The following RFX3 variants were observed in gnomAD, a reference collection of about 807,000 sequenced individuals.
The protein encoded by RFX3 is transcription factor RFX3.
Under a neutral mutation model 98.6 loss-of-function variants are expected in RFX3, and 14 were observed. That is an observed-to-expected ratio of 0.14 (90% confidence interval 0.09 to 0.22). The LOEUF is 0.22. Among genes scored for constraint, RFX3 ranks in the 10% least tolerant of loss-of-function variants. The pLI, the probability that RFX3 is intolerant of heterozygous loss-of-function variation, is 1.00. For missense variants in RFX3, 639 were observed against 926.9 expected, an observed-to-expected ratio of 0.69 and a Z score of 4.03; for synonymous variants, 383 against 328.4, an observed-to-expected ratio of 1.17 and a Z score of -1.80.
At position 3,228,813 on chromosome 9, in the gene RFX3, A is replaced by T. The variant is rs371917020; in HGVS notation, c.2011+34T>A. The T allele has an allele frequency of 3.2e-6, 5 of 1,568,530 alleles. No individual in the cohort carries two copies. The African/African-American group carries it at 5.5e-5, about 17-fold the overall frequency. ...CTGTAAGAACTTATTAATAAATAAA[A>T]GTTCTTAAAATGTACATTATTTTCG... is the stretch of plus-strand genomic sequence containing the variant. On this transcript the variant is annotated intron_variant, in intron 16 of 16. Coordinates refer to ENST00000617270, the MANE Select transcript of RFX3 (RefSeq NM_001282116.2).
intron 5 of RFX3, among the ~76,000 whole-genome samples, chr9:3,299,623 G>A (rs896304693): frequency 6.6e-6 from 1 of 151,060 alleles, no homozygotes; most frequent in Non-Finnish European, 1.5e-5. Flanking sequence ...CAGTATGGAA[G>A]ATCAGACATA....
chr9:3,342,192 C>T (rs1833962792), intron 3 of RFX3, among the ~76,000 whole-genome samples: 1 of 152,142 alleles, frequency 6.6e-6, no homozygotes, highest in African/African-American at 2.4e-5. Context: ...CAAAGCATAA[C>T]ATGTGATTTT....
chr9:3,220,430 T>C lies in RFX3; in HGVS notation c.*4612A>G, dbSNP rs1817279821. ...CAATGTGCAGAAATCAGTTATGACA[T>C]AGGTCTATCCAGGCCCATGTATTTG... On this transcript the variant is annotated 3_prime_UTR_variant, in exon 17 of 17. Transcript: ENST00000617270. 2 of 152,142 alleles carry C rather than the reference T, an allele frequency of 1.3e-5. No homozygotes were observed. Among genetic ancestry groups the C allele is most frequent in the Admixed American group, 6.5e-5 (1 of 15,270 alleles). The allele number at this position is 152,142 out of a possible 1,614,324, so 9.4% of individuals were successfully genotyped here.
chr9:3,429,031 T>G (rs2132495463), intron 1 of RFX3, among the ~76,000 whole-genome samples: 1 of 151,098 alleles, frequency 6.6e-6, no homozygotes, highest in South Asian at 2.1e-4. Context: ...TACTCTTTTT[T>G]TTTTTTTTTG....
chr9:3,330,799 C>T (rs1005514706), intron 3 of RFX3, among the ~76,000 whole-genome samples: 1 of 152,132 alleles, frequency 6.6e-6, no homozygotes, highest in Non-Finnish European at 1.5e-5. Flanking sequence ...AGGTCTCTTC[C>T]CTCCAAGAAA....
intron 2 of RFX3, 100 bp downstream of exon 2, chr9:3,395,372 A>G: frequency 7.3e-7 from 1 of 1,375,282 alleles, no homozygotes. Flanking sequence ...TGCCTATCAT[A>G]GCAAGACAGT....
chr9:3,274,221 C>T (rs1461276755), intron 9 of RFX3, among the ~76,000 whole-genome samples: 3 of 152,214 alleles, frequency 2.0e-5, no homozygotes, highest in Middle Eastern at 3.4e-3. Flanking sequence ...CTCAGATTTG[C>T]GCTAGCAATT....
chr9:3,311,730 T>TA lies in RFX3; in HGVS notation c.475-10111dup, dbSNP rs558971388. On this transcript the variant is annotated intron_variant, in intron 4 of 16. Transcript: ENST00000617270. The stretch of plus-strand genomic sequence containing the variant: ...CAAAACCTCATCTCTACTAAAAATA[T>TA]AAAAAATTAGCTGGGTGTGGGTGGG... Among the ~76,000 whole-genome samples, 25 of 145,284 alleles carry TA rather than the reference T, an allele frequency of 1.7e-4. No homozygotes were observed. In the South Asian group the frequency reaches 4.9e-3, roughly 28 times the overall value.
chr9:3,308,114 A>G (rs1829543747), intron 4 of RFX3, among the ~76,000 whole-genome samples: 1 of 152,134 alleles, frequency 6.6e-6, no homozygotes, highest in African/African-American at 2.4e-5. Context: ...TACACTGCCT[A>G]TATGTAATCT....
intron 4 of RFX3, among the ~76,000 whole-genome samples, chr9:3,326,118 T>C (rs1011609340): frequency 1.3e-5 from 2 of 152,152 alleles, no homozygotes; most frequent in Non-Finnish European, 2.9e-5. Flanking sequence ...AGGAAATGCC[T>C]TTTAAATGTA....
chr9:3,238,388 G>T (rs1311796978), intron 15 of RFX3, among the ~76,000 whole-genome samples: 5 of 152,172 alleles, frequency 3.3e-5, no homozygotes, highest in Non-Finnish European at 5.9e-5. Context: ...CATGAGAAGG[G>T]CTGGCCTGAG....
intron 2 of RFX3, among the ~76,000 whole-genome samples, chr9:3,357,040 A>T (rs1554677602): frequency 6.6e-6 from 1 of 151,640 alleles, no homozygotes; most frequent in Non-Finnish European, 1.5e-5. Flanking sequence ...CTGACAAAGC[A>T]TCTATAGAAA....
At chr9:3,249,365 A>G (rs1347649629) in intron 14 of RFX3, among the ~76,000 whole-genome samples, 4 of 152,178 alleles carry the variant, frequency 2.6e-5, no homozygotes, top group African/African-American at 9.7e-5. Flanking sequence ...CTGTCTCTTC[A>G]TTGACTGTTG....
intron 1 of RFX3, among the ~76,000 whole-genome samples, chr9:3,449,183 G>A (rs1587709603): frequency 6.6e-6 from 1 of 152,292 alleles, no homozygotes; most frequent in South Asian, 2.1e-4. Flanking sequence ...ACATAGGAGA[G>A]CAACACCTAG....
At chr9:3,288,426 G>C (rs1338639358) in intron 6 of RFX3, among the ~76,000 whole-genome samples, 176 bp from the exon 7 acceptor site, 1 of 151,958 alleles carries the variant, frequency 6.6e-6, no homozygotes, top group Non-Finnish European at 1.5e-5. Context: ...GATAAAATTT[G>C]AAGAATCAAA....
chr9:3,319,135 T>G (rs1308205909), intron 4 of RFX3, among the ~76,000 whole-genome samples: 2 of 152,260 alleles, frequency 1.3e-5, no homozygotes, highest in Non-Finnish European at 2.9e-5. Context: ...AAGAACATTT[T>G]CACTTTGTAG....
At chr9:3,504,779 G>GTATATAAAATATATATTATATTA (rs1446318834) in intron 1 of RFX3, among the ~76,000 whole-genome samples, 7 of 74,822 alleles carry the variant, frequency 9.4e-5, no homozygotes, top group African/African-American at 1.7e-4. Context: ...TGTATATATT[G>GTATATAAAATATATATTATATTA]TATATAAAAT....
chr9:3,231,112 T>A (rs1818388360), intron 15 of RFX3, among the ~76,000 whole-genome samples: 1 of 152,202 alleles, frequency 6.6e-6, no homozygotes, highest in Non-Finnish European at 1.5e-5. Flanking sequence ...CCGAGGCTTG[T>A]CATTATGCAC....
intron 1 of RFX3, among the ~76,000 whole-genome samples, chr9:3,432,358 G>A (rs1415328893): frequency 6.6e-6 from 1 of 152,114 alleles, no homozygotes; most frequent in Non-Finnish European, 1.5e-5. Flanking sequence ...CAATGGAAAG[G>A]ACTGTCGATA....
Sources: allele counts gnomAD v4.1 joint callset (sites outside exome capture counted in the v4.1 genomes callset), GRCh38; gene constraint gnomAD v4.1.1; transcripts MANE v1.5; gene names NCBI Gene and HGNC (gene_info 2026-07-23, HGNC 2026-07-21).